Variants in ADAMTSL1 observed in about 807,000 individuals in gnomAD.
ADAMTSL1 encodes the protein ADAMTS like 1.
ADAMTSL1 carries 126 observed loss-of-function variants against 201.8 expected under a neutral mutation model. The ratio of observed to expected loss-of-function variants is 0.62; its 90% CI spans 0.54 to 0.72. ADAMTSL1 has a LOEUF of 0.72. Among genes scored for constraint, ADAMTSL1 ranks in the 30% least tolerant of loss-of-function variants. The pLI, the probability that ADAMTSL1 is intolerant of heterozygous loss-of-function variation, is 0.00. For synonymous variants in ADAMTSL1, 1,121 were observed against 903.4 expected, an observed-to-expected ratio of 1.24 and a Z score of -4.32; for missense variants, 2,679 against 2,277.8, an observed-to-expected ratio of 1.18 and a Z score of -3.59.
intron 2 of ADAMTSL1, among the ~76,000 whole-genome samples, chr9:18,178,304 C>T (rs1400081109): frequency 2.0e-5 from 3 of 152,188 alleles, no homozygotes; most frequent in African/African-American, 7.2e-5. Context: ...CACCCAAATA[C>T]TGCGCTTTTC....
At chr9:18,409,298 G>A (rs756459760) in intron 2 of ADAMTSL1, among the ~76,000 whole-genome samples, 3 of 147,840 alleles carry the variant, frequency 2.0e-5, no homozygotes, top group Non-Finnish European at 4.4e-5. Flanking sequence ...TGGGAGAATC[G>A]CTTGAACCTG....
chr9:18,117,848 C>T (rs1564009679), intron 1 of ADAMTSL1, among the ~76,000 whole-genome samples: 1 of 152,086 alleles, frequency 6.6e-6, no homozygotes, highest in Non-Finnish European at 1.5e-5. Flanking sequence ...TCTAATAAAA[C>T]CATGCATAGC....
At chr9:18,199,952 A>G (rs1283406705) in intron 2 of ADAMTSL1, among the ~76,000 whole-genome samples, 1 of 152,040 alleles carries the variant, frequency 6.6e-6, no homozygotes, top group African/African-American at 2.4e-5. Flanking sequence ...TAAATATATG[A>G]ATATTGTCTC....
chr9:18,618,596 A>T (rs2132651698), intron 4 of ADAMTSL1, among the ~76,000 whole-genome samples: 2 of 151,576 alleles, frequency 1.3e-5, no homozygotes, highest in Middle Eastern at 3.4e-3. Flanking sequence ...AAAAAAAAAA[A>T]GATGCAATCC....
chr9:18,718,575 C>G (rs771978915), intron 14 of ADAMTSL1: 5 of 438,940 alleles, frequency 1.1e-5, no homozygotes, highest in Non-Finnish European at 2.3e-5. Flanking sequence ...TCACCGGGTT[C>G]CCGCAGCCAG....
chr9:18,139,195 T>A (rs1826290085), intron 1 of ADAMTSL1, among the ~76,000 whole-genome samples: 2 of 152,158 alleles, frequency 1.3e-5, no homozygotes, highest in African/African-American at 4.8e-5. Context: ...GAAATGGCAA[T>A]CTTTCGTCAA....
intron 1 of ADAMTSL1, among the ~76,000 whole-genome samples, chr9:17,939,515 T>G (rs1827148034): frequency 6.6e-6 from 1 of 152,114 alleles, no homozygotes; most frequent in African/African-American, 2.4e-5. Context: ...AAAAATAATG[T>G]ATACTTGGTT....
chr9:18,074,458 T>C (rs574841749), intron 1 of ADAMTSL1, among the ~76,000 whole-genome samples: 1 of 152,206 alleles, frequency 6.6e-6, no homozygotes, highest in East Asian at 1.9e-4. Flanking sequence ...ATTTATTCAT[T>C]TCACCACACT....
intron 2 of ADAMTSL1, among the ~76,000 whole-genome samples, chr9:18,378,734 T>C (rs1837418626): frequency 6.6e-6 from 1 of 152,218 alleles, no homozygotes. Context: ...TCATCTCTTT[T>C]TTCTTTCATT....
Position 18,860,141 on chromosome 9 carries a change from T to G in ADAMTSL1, c.4250-27690T>G, listed in dbSNP as rs138080404. Among the ~76,000 whole-genome samples, 719 of 152,354 alleles carry G rather than the reference T, an allele frequency of 4.7e-3. 2 individuals are homozygous for G. Among genetic ancestry groups the G allele is most frequent in the Middle Eastern group, 0.014 (4 of 294 alleles). On this transcript the variant is annotated intron_variant, in intron 23 of 28. Coordinates refer to ENST00000380548, the MANE Select transcript of ADAMTSL1 (RefSeq NM_001040272.6). ...GTCTATAATGAACATGCATTGGTAT[T>G]TTTTAAAGTAACAAGTTGGATCTTT...
chr9:17,927,296 A>G (rs1024154171), intron 1 of ADAMTSL1, among the ~76,000 whole-genome samples: 5 of 152,204 alleles, frequency 3.3e-5, no homozygotes, highest in Non-Finnish European at 7.3e-5. Flanking sequence ...GTACATGTGT[A>G]TGTACACATA....
In ADAMTSL1 at chr9:18,829,928, T is replaced by A; in HGVS notation, c.4200T>A (p.Ser1400=). ...TGPNLPSVLT[S]PLGTQLVLDP... is the part of the protein sequence containing the mutation. ...CGAACCTTCCTTCAGTGCTGACGTC[T>A]CCTCTGGGAACACAGCTGGTCCTGG... The change falls in exon 23 of 29, where the codon TCT becomes TCA. Residue 1400 remains serine, a synonymous_variant. Transcript: ENST00000380548. The A allele has an allele frequency of 6.2e-7, 1 of 1,613,846 alleles. No individual in the cohort carries two copies. Among genetic ancestry groups the A allele is most frequent in the Admixed American group, 1.7e-5 (1 of 60,006 alleles).
intron 1 of ADAMTSL1, among the ~76,000 whole-genome samples, chr9:18,130,563 C>T (rs1825908804): frequency 6.6e-6 from 1 of 152,046 alleles, no homozygotes; most frequent in Non-Finnish European, 1.5e-5. Context: ...GCATGATTTC[C>T]TGTAAGTTCA....
At chr9:18,723,686 C>A in intron 15 of ADAMTSL1, 1 of 153,542 alleles carries the variant, frequency 6.5e-6, no homozygotes, top group Non-Finnish European at 1.5e-5. Flanking sequence ...TTTCTTGGGT[C>A]GACCATACAC....
intron 8 of ADAMTSL1, among the ~76,000 whole-genome samples, chr9:18,659,735 C>T (rs1183619624): frequency 6.6e-6 from 1 of 152,088 alleles, no homozygotes; most frequent in Non-Finnish European, 1.5e-5. Flanking sequence ...CCACTGTACT[C>T]CAGCCTGGGT....
chr9:18,855,713 G>C (rs978772278), intron 23 of ADAMTSL1, among the ~76,000 whole-genome samples: 1 of 152,096 alleles, frequency 6.6e-6, no homozygotes, highest in African/African-American at 2.4e-5. Context: ...GGAATTCTTC[G>C]TTTCTCTGTT....
At chr9:17,953,637 G>GA (rs1386572276) in intron 1 of ADAMTSL1, among the ~76,000 whole-genome samples, 19 of 152,236 alleles carry the variant, frequency 1.2e-4, no homozygotes, top group African/African-American at 4.6e-4. Context: ...TACTGATTTA[G>GA]AAACATATAA....
intron 2 of ADAMTSL1, among the ~76,000 whole-genome samples, chr9:18,454,806 T>A (rs1227053433): frequency 6.6e-6 from 1 of 152,224 alleles, no homozygotes; most frequent in Non-Finnish European, 1.5e-5. Context: ...AATGAAATTA[T>A]TACTGGTTTG....
chr9:18,693,620 C>T (rs1007835260), intron 13 of ADAMTSL1, among the ~76,000 whole-genome samples: 2 of 152,136 alleles, frequency 1.3e-5, no homozygotes, highest in African/African-American at 4.8e-5. Context: ...GTCTTTGGCC[C>T]TAAGAATAAG....
Sources: gnomAD v4.1 joint callset for allele counts (sites outside exome capture counted in the v4.1 genomes callset) on GRCh38, gnomAD v4.1.1 for gene constraint, MANE v1.5 for transcripts, NCBI Gene and HGNC (gene_info 2026-07-23, HGNC 2026-07-21) for gene names.